MYO10: variants seen among roughly 807,000 people sequenced by gnomAD.
The protein encoded by MYO10 is unconventional myosin-X.
A neutral mutation model predicts 257.3 loss-of-function variants in MYO10; 133 were observed. That is an observed-to-expected ratio of 0.52 (90% CI 0.45 to 0.60). The LOEUF is 0.60. Ranked by LOEUF, MYO10 falls within the 20% of genes least tolerant of loss-of-function variation. MYO10 has a pLI of 0.00. For missense variants in MYO10, 2,399 were observed against 2,635.7 expected, an observed-to-expected ratio of 0.91 and a Z score of 1.97; for synonymous variants, 1,104 against 1,028.6, an observed-to-expected ratio of 1.07 and a Z score of -1.40.
chr5:16,687,991 A>T (rs1383712578), intron 28 of MYO10, among the ~76,000 whole-genome samples: 1 of 152,214 alleles, frequency 6.6e-6, no homozygotes, highest in African/African-American at 2.4e-5. Context: ...GAATTTTTTT[A>T]AAATAGTGTT....
intron 4 of MYO10, among the ~76,000 whole-genome samples, chr5:16,792,996 A>G (rs1579996429): frequency 6.6e-6 from 1 of 152,228 alleles, no homozygotes; most frequent in Non-Finnish European, 1.5e-5. Flanking sequence ...CCAAGTTGCC[A>G]CAAGTTGGGA....
At chr5:16,677,433 T>TTTTTG (rs1363770924) in intron 33 of MYO10, among the ~76,000 whole-genome samples, 9 of 145,256 alleles carry the variant, frequency 6.2e-5, no homozygotes, top group Non-Finnish European at 1.0e-4. Context: ...TTTTTTTTTT[T>TTTTTG]GAGACGGAGT....
intron 19 of MYO10, among the ~76,000 whole-genome samples, chr5:16,719,944 A>G (rs1739072700): frequency 6.6e-6 from 1 of 152,008 alleles, no homozygotes; most frequent in African/African-American, 2.4e-5. Flanking sequence ...AGCCTAGGCA[A>G]TAAGAGTGAA....
At chr5:16,908,170 G>T (rs923641512) in intron 1 of MYO10, among the ~76,000 whole-genome samples, 1 of 152,050 alleles carries the variant, frequency 6.6e-6, no homozygotes, top group African/African-American at 2.4e-5. Flanking sequence ...GACAAAGGTT[G>T]CAGTGAGCCA....
At chr5:16,813,248 G>A (rs1223769089) in intron 3 of MYO10, among the ~76,000 whole-genome samples, 3 of 152,110 alleles carry the variant, frequency 2.0e-5, no homozygotes, top group South Asian at 4.1e-4. Flanking sequence ...GGCTGGATGC[G>A]GAGGCTCATG....
At chr5:16,876,543 C>T (rs963654695) in intron 2 of MYO10, among the ~76,000 whole-genome samples, 3 of 152,150 alleles carry the variant, frequency 2.0e-5, no homozygotes, top group Admixed American at 2.0e-4. Context: ...ATTTTCAACA[C>T]TCTATTTGTG....
intron 4 of MYO10, among the ~76,000 whole-genome samples, chr5:16,787,891 C>T (rs1349729941): frequency 1.3e-5 from 2 of 152,086 alleles, no homozygotes; most frequent in Admixed American, 6.6e-5. Flanking sequence ...ACCACCTCCC[C>T]AGGTTCAAGC....
chr5:16,715,392 A>ATTTTTTTTTTTTTTTTTTTTTTTTTT, intron 19 of MYO10, among the ~76,000 whole-genome samples: 1 of 84,340 alleles, frequency 1.2e-5, no homozygotes, highest in Non-Finnish European at 2.1e-5. Flanking sequence ...TAAGATTGAA[A>ATTTTTTTTTTTTTTTTTTTTTTTTTT]TTTTTTTTTT....
At chr5:16,721,593 CT>C (rs1739154964) in intron 19 of MYO10, among the ~76,000 whole-genome samples, 1 of 152,164 alleles carries the variant, frequency 6.6e-6, no homozygotes, top group South Asian at 2.1e-4. Flanking sequence ...TAAGCAGGGC[CT>C]GACTGGCGAG....
intron 1 of MYO10, among the ~76,000 whole-genome samples, chr5:16,880,846 A>C (rs1744737491): frequency 6.6e-6 from 1 of 152,242 alleles, no homozygotes; most frequent in Non-Finnish European, 1.5e-5. Context: ...CTGGTCTCTC[A>C]AATATCACTC....
intron 19 of MYO10, among the ~76,000 whole-genome samples, chr5:16,718,296 G>C (rs1016322360): frequency 2.6e-5 from 4 of 152,152 alleles, no homozygotes; most frequent in African/African-American, 9.7e-5. Flanking sequence ...CCTGCTCCAC[G>C]GCGCCCAGTC....
rs187975510 is a variant in MYO10 at position 16,840,916 on chromosome 5, G to A, written c.121-22749C>T. Among the ~76,000 whole-genome samples, 20 of 152,004 alleles carry A rather than the reference G, an allele frequency of 1.3e-4. No individual in the cohort carries two copies. The East Asian group carries it at 3.5e-3, about 26-fold the overall frequency. ...AGCACTTTGGGAGGCCAAGGCAGGC[G>A]GATCACCTGAGGTCAGGAGTTCGAG... On this transcript the variant is annotated intron_variant, in intron 2 of 40. Coordinates refer to ENST00000513610, the MANE Select transcript of MYO10 (RefSeq NM_012334.3).
At chr5:16,674,014 G>GC in intron 35 of MYO10, 125 bp from the exon 36 acceptor site, 1 of 773,022 alleles carries the variant, frequency 1.3e-6, no homozygotes, top group Non-Finnish European at 2.1e-6. Context: ...AATGGAGCAA[G>GC]CACCAGTGAC....
chr5:16,899,059 C>T (rs1381399905), intron 1 of MYO10, among the ~76,000 whole-genome samples: 4 of 147,240 alleles, frequency 2.7e-5, no homozygotes, highest in Admixed American at 6.9e-5. Flanking sequence ...CACTTGCGCC[C>T]GGGAGGCAGA....
chr5:16,779,445 A>G, intron 9 of MYO10, 100 bp downstream of exon 9: 1 of 663,088 alleles, frequency 1.5e-6, no homozygotes, highest in Admixed American at 3.5e-5. Flanking sequence ...AATTACTTCT[A>G]TTTCTATTTA....
chr5:16,758,349 G>T, intron 17 of MYO10, 123 bp from the exon 18 acceptor site: 1 of 684,550 alleles, frequency 1.5e-6, no homozygotes. Flanking sequence ...AGGCCTGGAA[G>T]AACTAAGACA....
chr5:16,839,474 T>C (rs1456248263), intron 2 of MYO10, among the ~76,000 whole-genome samples: 1 of 152,186 alleles, frequency 6.6e-6, no homozygotes, highest in Non-Finnish European at 1.5e-5. Context: ...CCAGGTGCAG[T>C]GGCTCACACC....
At chr5:16,787,609 TA>T (rs70940401) in intron 4 of MYO10, among the ~76,000 whole-genome samples, 122 of 124,954 alleles carry the variant, frequency 9.8e-4, no homozygotes, top group East Asian at 3.3e-3. Context: ...TGTTTTGCTT[TA>T]AAAAAAAAAA....
At chr5:16,885,457 A>G (rs923005627) in intron 1 of MYO10, among the ~76,000 whole-genome samples, 1 of 152,142 alleles carries the variant, frequency 6.6e-6, no homozygotes, top group Non-Finnish European at 1.5e-5. Context: ...GGATCACCTG[A>G]GGTCAGGAGT....
Sources: allele counts gnomAD v4.1 joint callset (sites outside exome capture counted in the v4.1 genomes callset), GRCh38; gene constraint gnomAD v4.1.1; transcripts MANE v1.5; gene names NCBI Gene and HGNC (gene_info 2026-07-23, HGNC 2026-07-21).